The following FAF1 variants were observed in gnomAD, a reference collection of about 807,000 sequenced individuals.
FAF1 encodes FAS-associated factor 1.
Under a neutral mutation model 92.5 loss-of-function variants are expected in FAF1, and 25 were observed. That is an observed-to-expected ratio of 0.27 (90% CI 0.20 to 0.38). The LOEUF (loss-of-function observed/expected upper bound fraction) is 0.38. Ranked by LOEUF, FAF1 falls within the 10% of genes least tolerant of loss-of-function variation. The pLI is 1.00. For missense variants in FAF1, 636 were observed against 793.3 expected, an observed-to-expected ratio of 0.80 and a Z score of 2.38; for synonymous variants, 234 against 273.2, an observed-to-expected ratio of 0.86 and a Z score of 1.42.
chr1:50,536,746 T>C (rs151154434), intron 14 of FAF1, among the ~76,000 whole-genome samples: 5 of 152,262 alleles, frequency 3.3e-5, no homozygotes, highest in East Asian at 3.9e-4. Flanking sequence ...TACCTGGAAA[T>C]TGGCACATGA....
intron 2 of FAF1, among the ~76,000 whole-genome samples, chr1:50,820,437 T>C (rs1016678278): frequency 6.6e-6 from 1 of 152,160 alleles, no homozygotes; most frequent in African/African-American, 2.4e-5. Context: ...CATAATCAAA[T>C]TAAGCAACAC....
chr1:50,811,039 T>G (rs1643902962), intron 2 of FAF1, among the ~76,000 whole-genome samples: 1 of 151,874 alleles, frequency 6.6e-6, no homozygotes, highest in African/African-American at 2.4e-5. Context: ...TGAGACTCTG[T>G]CTCAAAAAAC....
At chr1:50,617,142 G>C (rs1172760973) in intron 8 of FAF1, among the ~76,000 whole-genome samples, 1 of 152,092 alleles carries the variant, frequency 6.6e-6, no homozygotes, top group African/African-American at 2.4e-5. Context: ...TCTTTCTCTT[G>C]CCTGATTGCT....
At chr1:50,778,062 T>C (rs1428253713) in intron 4 of FAF1, among the ~76,000 whole-genome samples, 1 of 152,200 alleles carries the variant, frequency 6.6e-6, no homozygotes, top group Non-Finnish European at 1.5e-5. Context: ...ACCAGTAGAA[T>C]GGGTAATTTA....
At chr1:50,447,271 G>A (rs1646239689) in intron 18 of FAF1, among the ~76,000 whole-genome samples, 1 of 151,832 alleles carries the variant, frequency 6.6e-6, no homozygotes. Flanking sequence ...GACTACAGGT[G>A]CCCGCCACCA....
At chr1:50,503,957 T>A (rs1017052685) in intron 15 of FAF1, among the ~76,000 whole-genome samples, 1 of 152,190 alleles carries the variant, frequency 6.6e-6, no homozygotes, top group Non-Finnish European at 1.5e-5. Context: ...ACTATTTTGA[T>A]TGTGGTAAGG....
At chr1:50,623,937 C>T (rs1430562729) in intron 8 of FAF1, among the ~76,000 whole-genome samples, 3 of 123,878 alleles carry the variant, frequency 2.4e-5, no homozygotes, top group Non-Finnish European at 5.0e-5. Flanking sequence ...GACCCTGTCT[C>T]AAAAAAAAAC....
At chr1:50,504,109 C>T (rs1245697295) in intron 15 of FAF1, among the ~76,000 whole-genome samples, 1 of 152,130 alleles carries the variant, frequency 6.6e-6, no homozygotes. Context: ...ATGGATGACA[C>T]AGTAGCTTGG....
At chr1:50,737,685 G>C (rs905444809) in intron 6 of FAF1, among the ~76,000 whole-genome samples, 1 of 152,144 alleles carries the variant, frequency 6.6e-6, no homozygotes, top group Non-Finnish European at 1.5e-5. Flanking sequence ...ACTATTAACA[G>C]ACCATCCAAT....
chr1:50,708,443 G>A (rs930492734), intron 6 of FAF1, among the ~76,000 whole-genome samples: 1 of 152,092 alleles, frequency 6.6e-6, no homozygotes, highest in Non-Finnish European at 1.5e-5. Flanking sequence ...GGCAGGTGAG[G>A]TGGAGAAATT....
At chr1:50,854,138 T>A (rs556219316) in intron 2 of FAF1, among the ~76,000 whole-genome samples, 36 of 152,154 alleles carry the variant, frequency 2.4e-4, no homozygotes, top group African/African-American at 7.9e-4. Context: ...ACATTTTGAT[T>A]AGTCAAAATT....
chr1:50,806,845 G>A (rs1662225218), intron 2 of FAF1, among the ~76,000 whole-genome samples: 1 of 152,132 alleles, frequency 6.6e-6, no homozygotes, highest in South Asian at 2.1e-4. Flanking sequence ...ACCTCCAAAT[G>A]CATCAAAGAA....
chr1:50,567,026 A>AT (rs548663833), intron 13 of FAF1, 51 bp downstream of exon 13: 3,441 of 1,240,344 alleles, frequency 2.8e-3, no homozygotes, highest in South Asian at 4.5e-3. Flanking sequence ...AAACACAATG[A>AT]TTTTTTTTTT....
intron 15 of FAF1, among the ~76,000 whole-genome samples, chr1:50,513,403 T>C (rs896218416): frequency 4.6e-5 from 7 of 152,078 alleles, no homozygotes; most frequent in East Asian, 3.9e-4. Flanking sequence ...GGCAGGAGAA[T>C]TGTTTGAGCC....
chr1:50,739,305 T>C (rs527491802), intron 5 of FAF1, among the ~76,000 whole-genome samples: 6 of 151,992 alleles, frequency 3.9e-5, no homozygotes, highest in Non-Finnish European at 5.9e-5. Context: ...TGTGTACACG[T>C]ACATGCATAT....
chr1:50,605,478 GGTAA>G (rs1427241630), intron 8 of FAF1, among the ~76,000 whole-genome samples: 2 of 151,994 alleles, frequency 1.3e-5, no homozygotes, highest in Non-Finnish European at 2.9e-5. Flanking sequence ...ACTATCCTCA[GGTAA>G]GTAAGTGCTC....
intron 18 of FAF1, among the ~76,000 whole-genome samples, chr1:50,443,096 T>C (rs1195374682): frequency 6.6e-6 from 1 of 152,220 alleles, no homozygotes; most frequent in Non-Finnish European, 1.5e-5. Context: ...TTCGTTGGCA[T>C]TTTCTGCCCA....
intron 17 of FAF1, among the ~76,000 whole-genome samples, chr1:50,480,699 G>A (rs753516252): frequency 6.6e-5 from 10 of 152,168 alleles, no homozygotes; most frequent in Non-Finnish European, 1.2e-4. Context: ...TGGAGGTCTC[G>A]TAAGATTATA....
chr1:50,613,410 A>G (rs1014518828), intron 8 of FAF1, among the ~76,000 whole-genome samples: 14 of 152,172 alleles, frequency 9.2e-5, no homozygotes, highest in Non-Finnish European at 1.8e-4. Context: ...TTTTTGACAG[A>G]CATACTGTTT....
Sources: gnomAD v4.1 joint callset for allele counts (sites outside exome capture counted in the v4.1 genomes callset) on GRCh38, gnomAD v4.1.1 for gene constraint, MANE v1.5 for transcripts, NCBI Gene and HGNC (gene_info 2026-07-23, HGNC 2026-07-21) for gene names.